Variants in EHD2 observed in about 807,000 individuals in gnomAD.
The protein encoded by EHD2 is EH domain containing 2.
In EHD2, 27 loss-of-function variants were observed where a neutral mutation model predicts 41.0. That is an observed-to-expected ratio of 0.66 (90% CI 0.49 to 0.91). EHD2 has a LOEUF of 0.91. Among genes scored for constraint, EHD2 ranks in the 40% least tolerant of loss-of-function variants. The probability of loss-of-function intolerance (pLI) is 0.00; values close to 1 mark genes in which losing one functional copy is unlikely to be tolerated. For synonymous variants in EHD2, 342 were observed against 341.0 expected (o/e 1.00, Z -0.03); for missense variants, 673 against 773.9 (o/e 0.87, Z 1.55).
At chr19:47,740,262 G>A (rs924306295) in intron 5 of EHD2, among the ~76,000 whole-genome samples, 4 of 151,920 alleles carry the variant, frequency 2.6e-5, no homozygotes, top group South Asian at 2.1e-4. Flanking sequence ...AGCGAATTGC[G>A]GGGGCTGAGG....
chr19:47,722,502 G>T (rs1973707582), intron 3 of EHD2, among the ~76,000 whole-genome samples: 1 of 152,008 alleles, frequency 6.6e-6, no homozygotes, highest in South Asian at 2.1e-4. Context: ...GAGCATAGGG[G>T]CCCATGGGAC....
chr19:47,722,009 AACAC>A (rs201572396), intron 3 of EHD2, among the ~76,000 whole-genome samples: 10,405 of 130,572 alleles, frequency 0.08, 518 homozygotes, highest in African/African-American at 0.15. Flanking sequence ...AGAAAAACAA[AACAC>A]ACACACACAC....
At position 47,741,435 on chromosome 19, in the gene EHD2, C is replaced by CA. The variant is rs1555794436; in HGVS notation, c.*3_*4insA. 1.1e-5 allele frequency: 17 copies of CA among 1,562,660 alleles called. No individual in the cohort carries two copies. Among genetic ancestry groups the CA allele is most frequent in the East Asian group, 2.3e-5 (1 of 42,632 alleles). The stretch of plus-strand genomic sequence containing the variant: ...GCCACAAGGGCTCCGCCGAGTGAGC[C>CA]GGCCCCCCTCCCATGGCCCTGCTGT... On this transcript the variant is annotated 3_prime_UTR_variant, in exon 6 of 6. Transcript: ENST00000263277. The surrounding 1 kb of genome is among the most constrained non-coding windows in gnomAD (Gnocchi z 4.5).
At position 47,716,753 on chromosome 19, in the gene EHD2, G is replaced by A. The variant is rs377445271; in HGVS notation, c.141G>A (p.Ser47=). The A allele has an allele frequency of 5.0e-6, 8 of 1,613,358 alleles. No individual in the cohort carries two copies. The highest frequency in any genetic ancestry group is 2.7e-5 in the African/African-American group (2 of 75,056). The change falls in exon 2 of 6, where the codon TCG becomes TCA. Residue 47 remains serine (S), a synonymous_variant. Transcript: ENST00000263277. Reference sequence around the variant, plus strand: ...ACTACCGCTTTGGGGCCTTCCACTCGCCGGCCCTGGAGGACGCAGACTTCG... The same window carrying A: ...ACTACCGCTTTGGGGCCTTCCACTCACCGGCCCTGGAGGACGCAGACTTCG... ...EEHYRFGAFH[S]PALEDADFDG...
rs1206492522 is a variant in EHD2, at chr19:47,737,521, G to A, written c.1080+988G>A. Reference sequence around the variant, plus strand: ...AAAATACAAAAATTAGCTGGGCATGGTGTTGCGTGCCTGTAGTCCCAGCTA... The same window carrying A: ...AAAATACAAAAATTAGCTGGGCATGATGTTGCGTGCCTGTAGTCCCAGCTA... On this transcript the variant is annotated intron_variant, in intron 5 of 5. Transcript: ENST00000263277. Among the ~76,000 whole-genome samples, 6 of 151,590 alleles carry A rather than the reference G, an allele frequency of 4.0e-5. No individual in the cohort carries two copies. In the East Asian group the frequency reaches 9.8e-4, roughly 25 times the overall value.
intron 4 of EHD2, among the ~76,000 whole-genome samples, chr19:47,730,807 T>C (rs1295184793): frequency 1.3e-5 from 2 of 152,134 alleles, no homozygotes; most frequent in African/African-American, 4.8e-5. Flanking sequence ...GCCCTGAACC[T>C]TCAGACCACA....
chr19:47,729,268 G>A (rs917465004), intron 4 of EHD2, among the ~76,000 whole-genome samples: 2 of 152,152 alleles, frequency 1.3e-5, no homozygotes, highest in African/African-American at 4.8e-5. Flanking sequence ...TGTAGACAGT[G>A]TGCTAACTCA....
At chr19:47,739,742 C>T (rs1032861669) in intron 5 of EHD2, among the ~76,000 whole-genome samples, 9 of 151,668 alleles carry the variant, frequency 5.9e-5, no homozygotes, top group Non-Finnish European at 1.0e-4. Context: ...GCCACCCAAG[C>T]CTGCTGAGTT....
intron 3 of EHD2, among the ~76,000 whole-genome samples, chr19:47,720,226 C>T (rs113791766): frequency 0.034 from 5,135 of 151,946 alleles, 266 homozygotes; most frequent in African/African-American, 0.11. Context: ...TGGAGTGGCG[C>T]GATCTCGGCT....
At position 47,741,856 on chromosome 19, in the gene EHD2, A is replaced by T. The variant is rs535026948; in HGVS notation, c.*424A>T. Reference sequence around the variant, plus strand: ...AGAGGGCACCTACACAGTCACGCAAACACACACTAATTCCTGGCAGGGCCC... The same window carrying T: ...AGAGGGCACCTACACAGTCACGCAATCACACACTAATTCCTGGCAGGGCCC... On this transcript the variant is annotated 3_prime_UTR_variant, in exon 6 of 6. Transcript: ENST00000263277. The surrounding 1 kb of genome is among the most constrained non-coding windows in gnomAD (Gnocchi z 4.5). 79 of 463,378 alleles carry T rather than the reference A, an allele frequency of 1.7e-4. No individual in the cohort carries two copies. The highest frequency in any genetic ancestry group is 1.4e-3 in the African/African-American group (73 of 50,492). 28.7% of individuals were successfully genotyped at this position (463,378 alleles called of 1,614,324 possible).
At chr19:47,733,450 G>T (rs148537459) in intron 4 of EHD2, among the ~76,000 whole-genome samples, 2 of 151,958 alleles carry the variant, frequency 1.3e-5, no homozygotes, top group East Asian at 3.9e-4. Context: ...GAGGCGGGCG[G>T]ATCACAAGGT....
intron 5 of EHD2, among the ~76,000 whole-genome samples, chr19:47,738,129 GC>G (rs1466246929): frequency 6.6e-6 from 1 of 151,194 alleles, no homozygotes; most frequent in African/African-American, 2.4e-5. Flanking sequence ...TGATCCTCCT[GC>G]CTTGGCCTCC....
chr19:47,714,841 C>G (rs945496731), intron 1 of EHD2, among the ~76,000 whole-genome samples: 1 of 151,852 alleles, frequency 6.6e-6, no homozygotes, highest in African/African-American at 2.4e-5. Context: ...TCGAGACCAC[C>G]CAGGGCAACA....
Position 47,740,936 on chromosome 19 carries a change from T to C in EHD2, c.1136T>C (p.Leu379Pro). 6.2e-7 allele frequency: 1 copy of C among 1,613,406 alleles called. No homozygotes were observed. The highest frequency in any genetic ancestry group is 8.5e-7 in the Non-Finnish European group (1 of 1,179,894). The change falls in exon 6 of 6, where the codon CTA (leucine) becomes CCA (proline). Residue 379 changes from leucine (L) to proline (P), a missense_variant. By Grantham distance (98) the Leu-to-Pro change is moderately conservative (BLOSUM62 -3). Coordinates refer to ENST00000263277, the MANE Select transcript of EHD2 (RefSeq NM_014601.4). ...TTTCACTCGCTGAAGCCGAAGCTGC[T>C]AGAGGCACTGGACGAGATGCTGACG... ...TKFHSLKPKLLEALDEMLTHD... is the reference protein window; with the variant it reads ...TKFHSLKPKLPEALDEMLTHD...
intron 4 of EHD2, among the ~76,000 whole-genome samples, chr19:47,732,706 C>T (rs984322451): frequency 9.9e-5 from 15 of 152,128 alleles, no homozygotes; most frequent in African/African-American, 3.4e-4. Flanking sequence ...TAGGCATGAG[C>T]AATATTTAAT....
Position 47,742,277 on chromosome 19 carries a change from C to CCTTT in EHD2, c.*854_*857dup, listed in dbSNP as rs3074117. The CCTTT allele has an allele frequency of 0.59, 154,439 of 261,690 alleles. 50,081 individuals carry two copies. The highest frequency in any genetic ancestry group is 0.69 in the South Asian group (18,958 of 27,362). The allele number at this position is 261,690 out of a possible 1,614,324, so 16.2% of individuals were successfully genotyped here. A position where few individuals can be genotyped will look rare whatever the true frequency, so the allele number is the denominator to read the frequency against. ...ACACCCCTTCCCTTTCCTGTCCTGT[C>CCTTT]CTTTCTTTCTTTTTTGATAGAATCT... On this transcript the variant is annotated 3_prime_UTR_variant, in exon 6 of 6. Transcript: ENST00000263277.
chr19:47,720,620 G>C (rs989778767), intron 3 of EHD2, among the ~76,000 whole-genome samples: 3 of 151,944 alleles, frequency 2.0e-5, no homozygotes, highest in African/African-American at 7.3e-5. Flanking sequence ...TTTTGTCTAT[G>C]TGTCTATGTG....
Position 47,719,766 on chromosome 19 carries a change from C to T in EHD2, c.502+1160C>T, listed in dbSNP as rs1009908362. Reference sequence around the variant, plus strand: ...AGCTGAGGGGGAGGAATTCCTGGGGCTCCCACCCCAGGGCCTGGACCTGGG... The same window carrying T: ...AGCTGAGGGGGAGGAATTCCTGGGGTTCCCACCCCAGGGCCTGGACCTGGG... On this transcript the variant is annotated intron_variant, in intron 3 of 5. Transcript: ENST00000263277. This position sits in a 1 kb window ranked among gnomAD's most constrained non-coding sequence, Gnocchi z 4.1. 6.6e-6 allele frequency among the ~76,000 whole-genome samples: 1 copy of T among 151,658 alleles called. No homozygotes were observed. The highest frequency in any genetic ancestry group is 2.4e-5 in the African/African-American group (1 of 41,358).
rs761916557 is a variant in EHD2 at position 47,740,888 on chromosome 19, T to C, written c.1088T>C (p.Leu363Pro). The stretch of plus-strand genomic sequence containing the variant: ...CCCTGTCCCCCACCACAGGAGCTGC[T>C]GATGGCGCACGACTTCACCAAGTTT... ...FPDCQKMQEL[L>P]MAHDFTKFHS... The change falls in exon 6 of 6, where the codon CTG becomes CCG. Residue 363 changes from leucine (L) to proline (P), a missense_variant. By Grantham distance (98) the Leu-to-Pro change is moderately conservative. Coordinates refer to ENST00000263277, the MANE Select transcript of EHD2 (RefSeq NM_014601.4). The C allele has an allele frequency of 2.5e-6, 4 of 1,612,962 alleles. No homozygotes were observed. The highest frequency in any genetic ancestry group is 1.3e-5 in the African/African-American group (1 of 74,918).
Sources: gnomAD v4.1 joint callset for allele counts (sites outside exome capture counted in the v4.1 genomes callset) on GRCh38, gnomAD v4.1.1 for gene constraint, Gnocchi (gnomAD v3.1) non-coding constraint, MANE v1.5 for transcripts, NCBI Gene and HGNC (gene_info 2026-07-23, HGNC 2026-07-21) for gene names.